The following HIBCH variants were observed in gnomAD, a reference collection of about 807,000 sequenced individuals.
HIBCH encodes 3-hydroxyisobutyryl-CoA hydrolase, mitochondrial.
In HIBCH, 50 loss-of-function variants were observed where a neutral mutation model predicts 58.2. The ratio of observed to expected loss-of-function variants is 0.86; its 90% CI spans 0.68 to 1.09. HIBCH has a LOEUF of 1.09. HIBCH is among the 50% of genes least tolerant of loss of function. The pLI, the probability that HIBCH is intolerant of heterozygous loss-of-function variation, is 0.00. For missense variants in HIBCH, 450 were observed against 449.7 expected, an observed-to-expected ratio of 1.00 and a Z score of -0.01; for synonymous variants, 151 against 146.9, an observed-to-expected ratio of 1.03 and a Z score of -0.20.
intron 6 of HIBCH, among the ~76,000 whole-genome samples, chr2:190,264,577 C>A (rs1687179016): frequency 6.6e-6 from 1 of 152,160 alleles, no homozygotes; most frequent in South Asian, 2.1e-4. Context: ...TTACTTCTTT[C>A]AGTCAACATT....
At position 190,294,020 on chromosome 2, in the gene HIBCH, GTGTATATATATATA is replaced by G. The variant is rs200023685; in HGVS notation, c.304+512_304+525del. On this transcript the variant is annotated intron_variant, in intron 4 of 13. Transcript: ENST00000359678. ...ATATATTTTGTAATATATATTTTGT[GTGTATATATATATA>G]TATATATATATATATATATAGCAAC... 9.2e-3 allele frequency among the ~76,000 whole-genome samples: 1,161 copies of G among 125,830 alleles called. 26 individuals are homozygous for G. Among genetic ancestry groups the G allele is most frequent in the East Asian group, 0.039 (135 of 3,468 alleles). The allele number at this position is 125,830 out of a possible 152,430, so 82.5% of individuals were successfully genotyped here. A position where few individuals can be genotyped will look rare whatever the true frequency, so the allele number is the denominator to read the frequency against.
At chr2:190,248,851 A>C (rs1686683857) in intron 9 of HIBCH, among the ~76,000 whole-genome samples, 2 of 147,428 alleles carry the variant, frequency 1.4e-5, no homozygotes. Flanking sequence ...ACAGAGCGAG[A>C]CTCTGCTTCA....
At chr2:190,262,208 A>C (rs1687109521) in intron 6 of HIBCH, among the ~76,000 whole-genome samples, 1 of 151,774 alleles carries the variant, frequency 6.6e-6, no homozygotes, top group African/African-American at 2.4e-5. Context: ...AAACCCTGAG[A>C]ATGCTGCAGT....
chr2:190,311,193 A>C (rs1222012706), intron 1 of HIBCH, among the ~76,000 whole-genome samples: 1 of 152,232 alleles, frequency 6.6e-6, no homozygotes, highest in African/African-American at 2.4e-5. Context: ...AAAAGGCTAC[A>C]TACTCTCATT....
intron 7 of HIBCH, among the ~76,000 whole-genome samples, chr2:190,256,505 C>T (rs1234351100): frequency 6.8e-6 from 1 of 147,574 alleles, no homozygotes; most frequent in East Asian, 1.9e-4. Context: ...AGATGTTTCC[C>T]AGGAATTTAA....
chr2:190,190,146 C>G (rs1689645254), intron 1 of HIBCH: 1 of 152,100 alleles, frequency 6.6e-6, no homozygotes, highest in South Asian at 2.1e-4. Flanking sequence ...TAACATATAC[C>G]TCATGTAACT....
chr2:190,199,501 A>C (rs1049529270), downstream of HIBCH, among the ~76,000 whole-genome samples: 15 of 152,216 alleles, frequency 9.9e-5, no homozygotes, highest in Admixed American at 9.2e-4. Flanking sequence ...ATCTTGAAAA[A>C]AAGTTTTCCT....
At chr2:190,302,765 G>C (rs1173927728) in intron 2 of HIBCH, among the ~76,000 whole-genome samples, 2 of 152,060 alleles carry the variant, frequency 1.3e-5, no homozygotes, top group Admixed American at 6.5e-5. Context: ...GTCATTGGGG[G>C]GAACAGGATT....
At chr2:190,195,037 A>AT (rs972006314) in intron 1 of HIBCH, among the ~76,000 whole-genome samples, 1 of 151,708 alleles carries the variant, frequency 6.6e-6, no homozygotes, top group South Asian at 2.1e-4. Flanking sequence ...TTCATATTTA[A>AT]TTTTTTTGTA....
Position 190,233,662 on chromosome 2 carries a change from T to C in HIBCH, c.891+11225A>G, listed in dbSNP as rs34837714. On this transcript the variant is annotated intron_variant, in intron 11 of 13. Coordinates refer to ENST00000359678, the MANE Select transcript of HIBCH (RefSeq NM_014362.4). Reference sequence around the variant, plus strand: ...AGGATAATATATGCAATATGTATTATCAGACAAAGGATTTACATCCAGGAG... The same window carrying C: ...AGGATAATATATGCAATATGTATTACCAGACAAAGGATTTACATCCAGGAG... Among the ~76,000 whole-genome samples, 1,186 of 152,284 alleles carry C rather than the reference T, an allele frequency of 7.8e-3. 15 individuals are homozygous for C. The highest frequency in any genetic ancestry group is 0.014 in the Non-Finnish European group (924 of 68,016).
chr2:190,282,945 A>G (rs1674268567), intron 6 of HIBCH, among the ~76,000 whole-genome samples: 2 of 152,120 alleles, frequency 1.3e-5, no homozygotes, highest in South Asian at 2.1e-4. Context: ...CAAACACCAA[A>G]TTTAGAGTAC....
At chr2:190,267,051 C>T (rs564180583) in intron 6 of HIBCH, among the ~76,000 whole-genome samples, 2 of 152,150 alleles carry the variant, frequency 1.3e-5, no homozygotes, top group Admixed American at 6.5e-5. Context: ...GCCACTGTAC[C>T]TGGCCAAGAT....
intron 7 of HIBCH, among the ~76,000 whole-genome samples, chr2:190,257,571 T>C (rs1302552886): frequency 6.6e-6 from 1 of 152,124 alleles, no homozygotes; most frequent in African/African-American, 2.4e-5. Context: ...CTAAGGAGTC[T>C]ACAGATATTA....
At chr2:190,203,040 T>TTC (rs3833565), downstream of HIBCH, 49,639 of 166,802 alleles carry the variant, frequency 0.3, 8,766 homozygotes, top group East Asian at 0.48. Context: ...AAGAAATAAT[T>TTC]TGTCAAACTG....
At chr2:190,257,598 A>T (rs757891551) in intron 7 of HIBCH, among the ~76,000 whole-genome samples, 5 of 152,180 alleles carry the variant, frequency 3.3e-5, no homozygotes, top group Non-Finnish European at 7.4e-5. Flanking sequence ...TAATAGGGGA[A>T]TATTATTGTC....
intron 1 of HIBCH, among the ~76,000 whole-genome samples, chr2:190,314,370 CGTATAT>C (rs1688655414): frequency 3.6e-5 from 3 of 83,718 alleles, no homozygotes; most frequent in Non-Finnish European, 7.9e-5. Flanking sequence ...TATATATATA[CGTATAT>C]ATGTGTATAT....
intron 3 of HIBCH, 107 bp from the exon 4 acceptor site, chr2:190,294,737 T>A (rs1688061027): frequency 2.7e-6 from 2 of 754,354 alleles, no homozygotes; most frequent in Non-Finnish European, 4.7e-6. Context: ...TACATATGTG[T>A]TTGTGACAGT....
In HIBCH at chr2:190,208,857, GT is replaced by G. The variant is rs1292605330; in HGVS notation, c.1045+22del. 3 of 1,607,042 alleles carry G rather than the reference GT, an allele frequency of 1.9e-6. No homozygotes were observed. The South Asian group carries it at 3.3e-5, about 18-fold the overall frequency. Reference sequence around the variant, plus strand: ...TCACAAATCCCATTTCCCCAAAATGGTAAGTTCCCATTTGCCACTTACCAGC... The same window carrying G: ...TCACAAATCCCATTTCCCCAAAATGGAAGTTCCCATTTGCCACTTACCAGC... On this transcript the variant is annotated intron_variant, in intron 13 of 13. Coordinates refer to ENST00000359678, the MANE Select transcript of HIBCH (RefSeq NM_014362.4).
In HIBCH at chr2:190,290,418, C is replaced by T; in HGVS notation, c.372G>A (p.Leu124=). The T allele has an allele frequency of 6.2e-7, 1 of 1,607,616 alleles. No homozygotes were observed. The highest frequency in any genetic ancestry group is 8.5e-7 in the Non-Finnish European group (1 of 1,174,498). ...GAATACACATACCAACAGCATTATT[C>T]AGCATATATTCTTCTCTGAAGAAAA... The part of the protein sequence containing the change: ...APVFFREEYM[L]NNAVGSCQKP... The change falls in exon 5 of 14, where the codon CTG becomes CTA. Residue 124 remains leucine (L), a synonymous_variant. Transcript: ENST00000359678.
Sources: gnomAD v4.1 joint callset for allele counts (sites outside exome capture counted in the v4.1 genomes callset) on GRCh38, gnomAD v4.1.1 for gene constraint, MANE v1.5 for transcripts, NCBI Gene and HGNC (gene_info 2026-07-23, HGNC 2026-07-21) for gene names.